The following GGT1 variants were observed in gnomAD, a reference collection of about 807,000 sequenced individuals.
GGT1 encodes gamma-glutamyltransferase 1, also known as glutathione hydrolase 1 proenzyme.
Under a neutral mutation model 56.0 loss-of-function variants are expected in GGT1, and 21 were observed. That is an observed-to-expected ratio of 0.38 (90% CI 0.27 to 0.54). The LOEUF (loss-of-function observed/expected upper bound fraction) is 0.54. GGT1 is among the 20% of genes least tolerant of loss of function. The probability of loss-of-function intolerance (pLI) is 0.82; values close to 1 mark genes in which losing one functional copy is unlikely to be tolerated. For synonymous variants in GGT1, 238 were observed against 342.6 expected (o/e 0.69, Z 3.37); for missense variants, 466 against 787.0 (o/e 0.59, Z 4.88).
At chr22:24,598,647 G>A (rs559742111), upstream of GGT1, among the ~76,000 whole-genome samples, 271 of 152,080 alleles carry the variant, frequency 1.8e-3, no homozygotes, top group African/African-American at 6.2e-3. Flanking sequence ...TCTGCCTCCC[G>A]TGCTCAAGTG....
At chr22:24,590,877 C>T (rs774792851), upstream of GGT1, among the ~76,000 whole-genome samples, 1 of 152,166 alleles carries the variant, frequency 6.6e-6, no homozygotes, top group Admixed American at 6.5e-5. Flanking sequence ...AGCACTCTTC[C>T]GTCCTCCTCT....
At chr22:24,593,379 T>C (rs1176762892), upstream of GGT1, among the ~76,000 whole-genome samples, 1 of 151,228 alleles carries the variant, frequency 6.6e-6, no homozygotes. Flanking sequence ...GCTTTGACCG[T>C]GCAAAGAGCA....
At chr22:24,613,611 A>G (rs2046855430) in intron 5 of GGT1, among the ~76,000 whole-genome samples, 1 of 151,838 alleles carries the variant, frequency 6.6e-6, no homozygotes, top group Non-Finnish European at 1.5e-5. Flanking sequence ...TTAGCCGGGC[A>G]TGGTGGTGTG....
chr22:24,628,613 C>T lies in GGT1; in HGVS notation c.1564-80C>T, dbSNP rs1601781607. 1.5e-5 allele frequency: 24 copies of T among 1,610,326 alleles called. No individual in the cohort carries two copies. The highest frequency in any genetic ancestry group is 2.2e-5 in the East Asian group (1 of 44,872). The stretch of plus-strand genomic sequence containing the variant: ...CTGGCCCGAAATGGCACCACCTGGG[C>T]TGAGGCCTGTGACCACACAGATGTG... On this transcript the variant is annotated intron_variant, in intron 15 of 15. Transcript: ENST00000400382. This position sits in a 1 kb window ranked among gnomAD's most constrained non-coding sequence, Gnocchi z 5.7.
intron 11 of GGT1, 58 bp downstream of exon 11, chr22:24,623,974 G>T: frequency 6.2e-7 from 1 of 1,604,646 alleles, no homozygotes; most frequent in Non-Finnish European, 8.5e-7. Flanking sequence ...GGCATCAGGT[G>T]GGCTCCCCAG....
upstream of GGT1, among the ~76,000 whole-genome samples, chr22:24,591,452 G>A (rs1043637240): frequency 6.6e-6 from 1 of 152,220 alleles, no homozygotes; most frequent in East Asian, 1.9e-4. Context: ...TAGACCCCAT[G>A]TGGGCCTTCT....
intron 7 of GGT1, among the ~76,000 whole-genome samples, chr22:24,619,082 C>G (rs1462800479): frequency 6.6e-6 from 1 of 151,894 alleles, no homozygotes; most frequent in East Asian, 1.9e-4. Flanking sequence ...GTAGCAAGAC[C>G]CCTGTCTCTA....
At position 24,628,465 on chromosome 22, in the gene GGT1, A is replaced by T. The variant is rs2047925867; in HGVS notation, c.1563+77A>T. 6.3e-7 allele frequency: 1 copy of T among 1,594,300 alleles called. No individual in the cohort carries two copies. The highest frequency in any genetic ancestry group is 1.1e-5 in the South Asian group (1 of 90,492). ...CTGGGCTGGAGGCCTGGATCATCAC[A>T]GAGTGGACAATGGTTGGTGTCCTCT... On this transcript the variant is annotated intron_variant, in intron 15 of 15. Transcript: ENST00000400382. This position sits in a 1 kb window ranked among gnomAD's most constrained non-coding sequence, Gnocchi z 5.7.
chr22:24,606,200 C>A lies in GGT1; in HGVS notation c.-428-1754C>A, dbSNP rs551860294. 2.1e-4 allele frequency among the ~76,000 whole-genome samples: 30 copies of A among 146,292 alleles called. No homozygotes were observed. In the East Asian group the frequency reaches 5.9e-3, roughly 29 times the overall value. ...ATGTGCACAACGTACAGGTTTGTTACATATGTATACATGTGCCATGTTGGT... is the reference window on the plus strand; with the variant it reads ...ATGTGCACAACGTACAGGTTTGTTAAATATGTATACATGTGCCATGTTGGT... On this transcript the variant is annotated intron_variant, in intron 1 of 15. Transcript: ENST00000400382.
At chr22:24,617,272 A>G in intron 7 of GGT1, among the ~76,000 whole-genome samples, 1 of 152,038 alleles carries the variant, frequency 6.6e-6, no homozygotes, top group Non-Finnish European at 1.5e-5. Context: ...CCCTGTGGGG[A>G]GCTGGGGAGG....
intron 1 of GGT1, among the ~76,000 whole-genome samples, chr22:24,604,843 T>A: frequency 6.8e-6 from 1 of 148,016 alleles, no homozygotes; most frequent in Non-Finnish European, 1.5e-5. Flanking sequence ...CCCTCCTGTC[T>A]CCCCTCTCTG....
intron 7 of GGT1, among the ~76,000 whole-genome samples, chr22:24,616,414 CAAAA>C (rs905685147): frequency 4.5e-5 from 6 of 132,672 alleles, no homozygotes; most frequent in Admixed American, 2.3e-4. Flanking sequence ...AGCTCCGTCT[CAAAA>C]AAAAAAAAAG....
chr22:24,606,259 G>A (rs2046317804), intron 1 of GGT1, among the ~76,000 whole-genome samples: 1 of 150,216 alleles, frequency 6.7e-6, no homozygotes, highest in African/African-American at 2.5e-5. Flanking sequence ...TTTACATTAG[G>A]TATATCTCCT....
chr22:24,585,943 G>C, the GGT1 span: 1 of 1,609,316 alleles, frequency 6.2e-7, no homozygotes, highest in African/African-American at 1.3e-5. Flanking sequence ...TGGAGTCCCA[G>C]GTGGAGGCAG....
chr22:24,620,820 G>A lies in GGT1; in HGVS notation c.576-93G>A, dbSNP rs1366951735. The A allele has an allele frequency of 6.5e-7, 1 of 1,540,830 alleles. No individual in the cohort carries two copies. The highest frequency in any genetic ancestry group is 8.8e-7 in the Non-Finnish European group (1 of 1,141,356). On this transcript the variant is annotated intron_variant, in intron 8 of 15. Transcript: ENST00000400382. The surrounding 1 kb of genome is among the most constrained non-coding windows in gnomAD (Gnocchi z 5.6). ...CCCACCTGTGACAGGCGCTGCCCCT[G>A]TTCTGCTCCGTTCTCCTGTGTGGAC...
chr22:24,606,854 A>C (rs2046352533), intron 1 of GGT1, among the ~76,000 whole-genome samples: 1 of 151,740 alleles, frequency 6.6e-6, no homozygotes, highest in Non-Finnish European at 1.5e-5. Context: ...AATAGACCTC[A>C]GGTGGAGGCT....
At chr22:24,588,395 G>T in the GGT1 span, 1 of 1,268,646 alleles carries the variant, frequency 7.9e-7, no homozygotes. Context: ...GCCTTGGGGA[G>T]AGGGACCCAG....
rs979194299 is a variant in GGT1 at position 24,603,393 on chromosome 22, T to G, written c.-563T>G. 6 of 152,286 alleles carry G rather than the reference T, an allele frequency of 3.9e-5. No individual in the cohort carries two copies. Among genetic ancestry groups the G allele is most frequent in the African/African-American group, 1.2e-4 (5 of 41,450 alleles). 9.4% of individuals were successfully genotyped at this position (152,286 alleles called of 1,614,324 possible). ...GAGTCCCATTCTCAGCTCTGCCATA[T>G]GCTTGCTGCGCTCTAGAGGAGTTCC... On this transcript the variant is annotated 5_prime_UTR_variant, in exon 1 of 16. An upstream start codon of the reference 5' UTR is lost. Transcript: ENST00000400382.
chr22:24,614,183 TACAC>T (rs2046889524), intron 5 of GGT1, among the ~76,000 whole-genome samples: 1 of 150,332 alleles, frequency 6.7e-6, no homozygotes, highest in African/African-American at 2.4e-5. Flanking sequence ...CTCTACAAAA[TACAC>T]AAACAAACAA....
Sources: gnomAD v4.1 joint callset for allele counts (sites outside exome capture counted in the v4.1 genomes callset) on GRCh38, gnomAD v4.1.1 for gene constraint, Gnocchi (gnomAD v3.1) non-coding constraint, MANE v1.5 for transcripts, NCBI Gene and HGNC (gene_info 2026-07-23, HGNC 2026-07-21) for gene names.